Variants in PDE11A observed in about 807,000 individuals in gnomAD.
The protein encoded by PDE11A is phosphodiesterase 11A.
A neutral mutation model predicts 100.5 loss-of-function variants in PDE11A; 100 were observed. That is an observed-to-expected ratio of 1.00 (90% CI 0.85 to 1.18). The LOEUF is 1.18. Among genes scored for constraint, PDE11A ranks in the 50% most tolerant of loss-of-function variants. The pLI, the probability that PDE11A is intolerant of heterozygous loss-of-function variation, is 0.00. For missense variants in PDE11A, 1,141 were observed against 1,152.6 expected, an observed-to-expected ratio of 0.99 and a Z score of 0.15; for synonymous variants, 381 against 420.8, an observed-to-expected ratio of 0.91 and a Z score of 1.16.
intron 9 of PDE11A, among the ~76,000 whole-genome samples, chr2:177,775,597 A>G (rs564603627): frequency 2.0e-5 from 3 of 152,222 alleles, no homozygotes; most frequent in African/African-American, 4.8e-5. Context: ...TTCTCAAACT[A>G]AACTTCGTGC....
intron 10 of PDE11A, among the ~76,000 whole-genome samples, chr2:177,752,325 G>A (rs1421468635): frequency 6.6e-6 from 1 of 152,088 alleles, no homozygotes; most frequent in Non-Finnish European, 1.5e-5. Context: ...TAGGTTTCAG[G>A]GTAGACTCTT....
At chr2:177,802,157 A>G (rs545500471) in intron 9 of PDE11A, among the ~76,000 whole-genome samples, 9 of 152,244 alleles carry the variant, frequency 5.9e-5, no homozygotes, top group Admixed American at 5.9e-4. Flanking sequence ...AAGCCACAAT[A>G]GAATATTATG....
intron 10 of PDE11A, among the ~76,000 whole-genome samples, chr2:177,729,656 T>C (rs955738345): frequency 6.6e-6 from 1 of 152,220 alleles, no homozygotes; most frequent in Non-Finnish European, 1.5e-5. Flanking sequence ...GGCATTGCTC[T>C]TTGAGCTTTC....
At chr2:177,853,714 TTGTG>T (rs71010826) in intron 5 of PDE11A, among the ~76,000 whole-genome samples, 5 of 16,290 alleles carry the variant, frequency 3.1e-4, no homozygotes, top group African/African-American at 8.5e-4. Context: ...GTGTGTGTGT[TTGTG>T]TGTGTGTGTG....
At chr2:177,690,422 G>T (rs939647449) in intron 15 of PDE11A, among the ~76,000 whole-genome samples, 3 of 152,154 alleles carry the variant, frequency 2.0e-5, no homozygotes, top group Non-Finnish European at 4.4e-5. Context: ...GAACATAGCT[G>T]GCTTTTAATA....
At chr2:177,852,326 A>G (rs1301996671) in intron 5 of PDE11A, among the ~76,000 whole-genome samples, 1 of 152,212 alleles carries the variant, frequency 6.6e-6, no homozygotes, top group Non-Finnish European at 1.5e-5. Flanking sequence ...AGAGAGGCAA[A>G]GAGTCAGGAA....
intron 2 of PDE11A, among the ~76,000 whole-genome samples, chr2:178,102,903 A>G (rs1461152208): frequency 6.6e-6 from 1 of 152,152 alleles, no homozygotes; most frequent in East Asian, 1.9e-4. Flanking sequence ...CCTTAATCCA[A>G]TATGATTGGT....
rs1418097075 is a variant in PDE11A, at chr2:177,859,094, C to A, written c.1367+16765G>T. ...GGGAACATCACACACCAGGGCCTGT[C>A]GTGGGGTGGGGGGATCGGGGAGGGA... On this transcript the variant is annotated intron_variant, in intron 5 of 19. Coordinates refer to ENST00000286063, the MANE Select transcript of PDE11A (RefSeq NM_016953.4). Among the ~76,000 whole-genome samples, 4 of 151,672 alleles carry A rather than the reference C, an allele frequency of 2.6e-5. No homozygotes were observed. The East Asian group carries it at 7.8e-4, about 29-fold the overall frequency.
chr2:177,997,347 G>A, intron 2 of PDE11A: 1 of 873,674 alleles, frequency 1.1e-6, no homozygotes, highest in Non-Finnish European at 2.0e-6. Flanking sequence ...TCTCTTTTTT[G>A]TTCTGCTGAA....
At chr2:178,068,811 A>G (rs1217022627) in intron 1 of PDE11A, among the ~76,000 whole-genome samples, 2 of 152,210 alleles carry the variant, frequency 1.3e-5, no homozygotes, top group East Asian at 1.9e-4. Flanking sequence ...CAACAACCCT[A>G]TAAAAAGTTT....
At chr2:177,736,298 G>C (rs1420261568) in intron 10 of PDE11A, among the ~76,000 whole-genome samples, 3 of 151,994 alleles carry the variant, frequency 2.0e-5, no homozygotes, top group African/African-American at 7.3e-5. Context: ...GATCAACAGA[G>C]GTCAGGAGTT....
At chr2:177,938,670 A>G (rs2085307488) in intron 2 of PDE11A, among the ~76,000 whole-genome samples, 1 of 152,166 alleles carries the variant, frequency 6.6e-6, no homozygotes, top group Non-Finnish European at 1.5e-5. Context: ...AACCCATCGT[A>G]GTGAGGTGTA....
At chr2:177,890,165 T>C (rs2084507084) in intron 4 of PDE11A, among the ~76,000 whole-genome samples, 1 of 152,240 alleles carries the variant, frequency 6.6e-6, no homozygotes, top group African/African-American at 2.4e-5. Context: ...GATATTTTTG[T>C]GTAATGAATT....
chr2:177,796,901 C>G (rs2082715034), intron 9 of PDE11A, among the ~76,000 whole-genome samples: 1 of 152,128 alleles, frequency 6.6e-6, no homozygotes, highest in Non-Finnish European at 1.5e-5. Context: ...TGGAGCCCAA[C>G]AGAGACACTG....
At chr2:177,931,140 G>C (rs905257971) in intron 2 of PDE11A, among the ~76,000 whole-genome samples, 23 of 151,428 alleles carry the variant, frequency 1.5e-4, no homozygotes, top group African/African-American at 5.3e-4. Context: ...TGGACAACAA[G>C]AGCGAAACTC....
intron 2 of PDE11A, among the ~76,000 whole-genome samples, chr2:178,082,400 T>C (rs1400588212): frequency 6.6e-6 from 1 of 152,204 alleles, no homozygotes; most frequent in Admixed American, 6.5e-5. Flanking sequence ...GTAAAACCTT[T>C]TTTAAAAACC....
chr2:178,088,800 A>C (rs989790249), intron 2 of PDE11A, among the ~76,000 whole-genome samples: 1 of 152,152 alleles, frequency 6.6e-6, no homozygotes, highest in Non-Finnish European at 1.5e-5. Flanking sequence ...AAAAATACTT[A>C]CTTTTTCAGA....
chr2:177,769,471 C>T (rs2082282403), intron 9 of PDE11A, 98 bp from the exon 10 acceptor site: 4 of 722,972 alleles, frequency 5.5e-6, no homozygotes, highest in Non-Finnish European at 9.8e-6. Context: ...ATGTATATCA[C>T]CTTGATTTAA....
At chr2:177,754,097 C>G (rs924062931) in intron 10 of PDE11A, among the ~76,000 whole-genome samples, 1 of 152,098 alleles carries the variant, frequency 6.6e-6, no homozygotes, top group Non-Finnish European at 1.5e-5. Context: ...TCCTTAAAGG[C>G]AGCAGCTTCA....
Sources: allele counts gnomAD v4.1 joint callset (sites outside exome capture counted in the v4.1 genomes callset), GRCh38; gene constraint gnomAD v4.1.1; transcripts MANE v1.5; gene names NCBI Gene and HGNC (gene_info 2026-07-23, HGNC 2026-07-21).